Variants in AFG1L observed in about 807,000 individuals in gnomAD.
AFG1L encodes the protein AFG1-like ATPase.
A neutral mutation model predicts 62.2 loss-of-function variants in AFG1L; 53 were observed. The ratio of observed to expected loss-of-function variants is 0.85; its 90% CI spans 0.68 to 1.07. The LOEUF (loss-of-function observed/expected upper bound fraction) is 1.07. Among genes scored for constraint, AFG1L ranks in the 50% least tolerant of loss-of-function variants. AFG1L has a pLI of 0.00. For synonymous variants in AFG1L, 228 were observed against 210.3 expected (o/e 1.08, Z -0.73); for missense variants, 555 against 590.5 (o/e 0.94, Z 0.62).
intron 8 of AFG1L, among the ~76,000 whole-genome samples, chr6:108,466,427 A>C (rs1050752332): frequency 2.6e-5 from 4 of 152,190 alleles, no homozygotes; most frequent in Non-Finnish European, 4.4e-5. Context: ...TGTGTCCCCC[A>C]AAATTCACAG....
chr6:108,452,734 A>C (rs1247112764), intron 8 of AFG1L, among the ~76,000 whole-genome samples: 1 of 152,210 alleles, frequency 6.6e-6, no homozygotes, highest in African/African-American at 2.4e-5. Flanking sequence ...TATGAGCATT[A>C]GCATGTTGTG....
intron 7 of AFG1L, among the ~76,000 whole-genome samples, chr6:108,441,500 T>G (rs1771543810): frequency 6.6e-6 from 1 of 152,006 alleles, no homozygotes; most frequent in Admixed American, 6.6e-5. Context: ...TGATTAGTGT[T>G]GTATATTAGA....
intron 11 of AFG1L, among the ~76,000 whole-genome samples, chr6:108,511,127 G>GA (rs1291126529): frequency 6.5e-5 from 9 of 138,160 alleles, no homozygotes; most frequent in African/African-American, 2.4e-4. Context: ...GAAGTAGAAG[G>GA]AGGAGGAGGA....
At chr6:108,333,283 G>A (rs1316042930) in intron 2 of AFG1L, among the ~76,000 whole-genome samples, 2 of 152,068 alleles carry the variant, frequency 1.3e-5, no homozygotes, top group African/African-American at 2.4e-5. Flanking sequence ...GGTGGCGGGC[G>A]CCTGTAATTC....
intron 1 of AFG1L, among the ~76,000 whole-genome samples, chr6:108,300,318 T>C (rs1407823519): frequency 6.6e-6 from 1 of 151,952 alleles, no homozygotes; most frequent in Non-Finnish European, 1.5e-5. Context: ...CCCAGCTAAT[T>C]TTTTTGTATT....
chr6:108,312,549 C>G (rs1283994295), intron 1 of AFG1L, among the ~76,000 whole-genome samples: 1 of 151,914 alleles, frequency 6.6e-6, no homozygotes, highest in East Asian at 1.9e-4. Flanking sequence ...AGAGAGAGAC[C>G]TTGTCTCTAA....
chr6:108,460,899 G>A (rs1438811946), intron 8 of AFG1L, among the ~76,000 whole-genome samples: 1 of 152,182 alleles, frequency 6.6e-6, no homozygotes, highest in Non-Finnish European at 1.5e-5. Flanking sequence ...GGAGCTTGCA[G>A]TGAGCTGAGA....
intron 10 of AFG1L, among the ~76,000 whole-genome samples, chr6:108,502,546 G>A (rs1406818315): frequency 6.6e-6 from 1 of 152,008 alleles, no homozygotes; most frequent in African/African-American, 2.4e-5. Context: ...CCCCATGTTG[G>A]CCAGGCTGGT....
chr6:108,426,527 C>T (rs1770824510), intron 7 of AFG1L, among the ~76,000 whole-genome samples: 1 of 152,052 alleles, frequency 6.6e-6, no homozygotes, highest in African/African-American at 2.4e-5. Context: ...CTTTTTCTCC[C>T]TAGGAATGAG....
chr6:108,415,203 C>G (rs61214641), intron 7 of AFG1L, among the ~76,000 whole-genome samples: 4,693 of 152,228 alleles, frequency 0.031, 222 homozygotes, highest in African/African-American at 0.11. Context: ...ACCTCGGAAT[C>G]CAACTGACAA....
At chr6:108,338,285 C>A (rs1391821610) in intron 2 of AFG1L, among the ~76,000 whole-genome samples, 1 of 152,164 alleles carries the variant, frequency 6.6e-6, no homozygotes, top group East Asian at 1.9e-4. Context: ...GTTTTGCCAT[C>A]TAATTCATAA....
intron 2 of AFG1L, among the ~76,000 whole-genome samples, chr6:108,333,287 G>A (rs1344734012): frequency 6.6e-6 from 1 of 152,104 alleles, no homozygotes; most frequent in Non-Finnish European, 1.5e-5. Context: ...GCGGGCGCCT[G>A]TAATTCCAGG....
chr6:108,502,432 C>A (rs1223072680), intron 10 of AFG1L, among the ~76,000 whole-genome samples: 1 of 152,028 alleles, frequency 6.6e-6, no homozygotes, highest in African/African-American at 2.4e-5. Context: ...CTCGAACTCC[C>A]TGCCTCAGGT....
chr6:108,322,914 C>A (rs1240427736), intron 1 of AFG1L, among the ~76,000 whole-genome samples: 1 of 152,166 alleles, frequency 6.6e-6, no homozygotes, highest in Non-Finnish European at 1.5e-5. Context: ...ACAATCATTT[C>A]TCTCCCAGGA....
At chr6:108,415,011 T>C (rs1229531358) in intron 7 of AFG1L, among the ~76,000 whole-genome samples, 1 of 152,198 alleles carries the variant, frequency 6.6e-6, no homozygotes, top group Non-Finnish European at 1.5e-5. Context: ...TGATTGTATA[T>C]TTAGAAAACC....
At chr6:108,457,380 C>A (rs1772291461) in intron 8 of AFG1L, among the ~76,000 whole-genome samples, 1 of 151,938 alleles carries the variant, frequency 6.6e-6, no homozygotes, top group Non-Finnish European at 1.5e-5. Context: ...GCGTAAGCAC[C>A]TTTAACTTAT....
intron 7 of AFG1L, among the ~76,000 whole-genome samples, chr6:108,408,190 G>T (rs1781948686): frequency 6.6e-6 from 1 of 151,150 alleles, no homozygotes; most frequent in African/African-American, 2.4e-5. Flanking sequence ...GCAGTGGCGT[G>T]AGGCTTATTT....
intron 3 of AFG1L, among the ~76,000 whole-genome samples, chr6:108,353,790 A>G (rs1281401656): frequency 1.3e-5 from 2 of 152,222 alleles, no homozygotes; most frequent in East Asian, 3.9e-4. Flanking sequence ...GCTAATCACT[A>G]TATCAAGAGA....
At chr6:108,356,880 A>C (rs1206388724) in intron 5 of AFG1L, 60 bp downstream of exon 5, 1 of 1,387,406 alleles carries the variant, frequency 7.2e-7, no homozygotes, top group Non-Finnish European at 9.9e-7. Context: ...TGAAGATTTA[A>C]ATTTTGCTCC....
Sources: allele counts gnomAD v4.1 joint callset (sites outside exome capture counted in the v4.1 genomes callset), GRCh38; gene constraint gnomAD v4.1.1; transcripts MANE v1.5; gene names NCBI Gene and HGNC (gene_info 2026-07-23, HGNC 2026-07-21).